DPYD: variants seen among roughly 807,000 people sequenced by gnomAD.
DPYD encodes dihydropyrimidine dehydrogenase [NADP(+)].
DPYD carries 109 observed loss-of-function variants against 116.2 expected under a neutral mutation model. The ratio of observed to expected loss-of-function variants is 0.94; its 90% CI spans 0.80 to 1.10. The LOEUF is 1.10. DPYD is among the 50% of genes least tolerant of loss of function. DPYD has a pLI of 0.00. For missense variants in DPYD, 1,302 were observed against 1,254.5 expected, an observed-to-expected ratio of 1.04 and a Z score of -0.57; for synonymous variants, 440 against 432.0, an observed-to-expected ratio of 1.02 and a Z score of -0.23.
At chr1:97,604,553 A>T (rs551279683) in intron 8 of DPYD, among the ~76,000 whole-genome samples, 1 of 151,124 alleles carries the variant, frequency 6.6e-6, no homozygotes, top group African/African-American at 2.5e-5. Context: ...CTGTAATTTC[A>T]TAAGTTTTCC....
At chr1:97,322,048 C>T (rs1316294978) in intron 16 of DPYD, among the ~76,000 whole-genome samples, 1 of 95,188 alleles carries the variant, frequency 1.1e-5, no homozygotes, top group Non-Finnish European at 2.1e-5. Flanking sequence ...ATCACATGGA[C>T]ACAGGAAGGG....
chr1:97,731,432 A>G (rs987532748), intron 4 of DPYD, among the ~76,000 whole-genome samples: 1 of 152,116 alleles, frequency 6.6e-6, no homozygotes, highest in African/African-American at 2.4e-5. Context: ...ACTAAACTCA[A>G]GTTTCTTTAA....
chr1:97,393,934 C>T (rs1166911125), intron 14 of DPYD, among the ~76,000 whole-genome samples: 3 of 152,120 alleles, frequency 2.0e-5, no homozygotes, highest in South Asian at 2.1e-4. Context: ...CCTATTTCTC[C>T]ATATCCTCTC....
intron 20 of DPYD, among the ~76,000 whole-genome samples, chr1:97,155,932 T>C (rs545063133): frequency 2.2e-4 from 33 of 152,174 alleles, no homozygotes; most frequent in Non-Finnish European, 2.6e-4. Flanking sequence ...TGGGGATCTT[T>C]TTAAAATGCA....
rs1454231802 is a variant in DPYD at position 97,920,934 on chromosome 1, C to T, written c.-12G>A. 2.5e-6 allele frequency: 4 copies of T among 1,582,246 alleles called. No homozygotes were observed. The highest frequency in any genetic ancestry group is 8.6e-7 in the Non-Finnish European group (1 of 1,164,582). The stretch of plus-strand genomic sequence containing the variant: ...AGCACAGGGGCCATGGCAGTGCCTA[C>T]AGTCTCGAGTCTGCCAGTGACAAAC... On this transcript the variant is annotated 5_prime_UTR_variant, in exon 1 of 23. Coordinates refer to ENST00000370192, the MANE Select transcript of DPYD (RefSeq NM_000110.4).
intron 1 of DPYD, among the ~76,000 whole-genome samples, chr1:97,897,530 T>TCCA (rs1673143071): frequency 6.6e-6 from 1 of 151,918 alleles, no homozygotes; most frequent in African/African-American, 2.4e-5. Flanking sequence ...TCGAAGTTGT[T>TCCA]CCACAGCTCA....
intron 13 of DPYD, among the ~76,000 whole-genome samples, chr1:97,511,021 G>T (rs188408179): frequency 1.4e-3 from 208 of 152,014 alleles, no homozygotes; most frequent in African/African-American, 4.8e-3. Context: ...AGACACATTA[G>T]TGGAACATCT....
chr1:97,566,206 T>G (rs1211775901), intron 11 of DPYD, among the ~76,000 whole-genome samples: 1 of 152,170 alleles, frequency 6.6e-6, no homozygotes, highest in Non-Finnish European at 1.5e-5. Context: ...TTATTGTAAT[T>G]CTGAGCCTCC....
At chr1:97,420,293 C>T (rs1002649212) in intron 14 of DPYD, among the ~76,000 whole-genome samples, 2 of 152,062 alleles carry the variant, frequency 1.3e-5, no homozygotes, top group African/African-American at 2.4e-5. Context: ...CGAAGGGAGG[C>T]GAGTGGATCT....
At chr1:97,905,401 T>TCAAGGGCTC (rs1553258126) in intron 1 of DPYD, among the ~76,000 whole-genome samples, 1 of 152,018 alleles carries the variant, frequency 6.6e-6, no homozygotes, top group African/African-American at 2.4e-5. Flanking sequence ...TGTCCTTCAG[T>TCAAGGGCTC]CAAGGGCTCC....
intron 5 of DPYD, among the ~76,000 whole-genome samples, chr1:97,712,808 C>T (rs947599281): frequency 3.7e-4 from 56 of 152,180 alleles, no homozygotes; most frequent in African/African-American, 1.3e-3. Flanking sequence ...TGCTGTACAG[C>T]TTTCTCTACT....
intron 13 of DPYD, among the ~76,000 whole-genome samples, chr1:97,464,777 G>T (rs558510056): frequency 6.6e-6 from 1 of 152,160 alleles, no homozygotes; most frequent in African/African-American, 2.4e-5. Flanking sequence ...CTGCAGGGAC[G>T]GGACCCTCAT....
At chr1:97,479,333 T>C (rs1189110052) in intron 13 of DPYD, among the ~76,000 whole-genome samples, 1 of 152,164 alleles carries the variant, frequency 6.6e-6, no homozygotes, top group African/African-American at 2.4e-5. Context: ...CACTGTTGTA[T>C]TATTAATTGG....
intron 2 of DPYD, among the ~76,000 whole-genome samples, chr1:97,866,690 A>G (rs920974010): frequency 1.1e-4 from 16 of 151,996 alleles, no homozygotes; most frequent in African/African-American, 3.9e-4. Flanking sequence ...GGAGTAATAA[A>G]TAAAATGTGG....
intron 8 of DPYD, among the ~76,000 whole-genome samples, chr1:97,668,954 C>T (rs1571159960): frequency 6.6e-6 from 1 of 152,192 alleles, no homozygotes; most frequent in South Asian, 2.1e-4. Flanking sequence ...TTAATATAAT[C>T]TTTGACTGAT....
chr1:97,239,658 C>T (rs992487131), intron 18 of DPYD, among the ~76,000 whole-genome samples: 5 of 151,990 alleles, frequency 3.3e-5, no homozygotes, highest in Non-Finnish European at 5.9e-5. Flanking sequence ...TTTATAAATA[C>T]TATTAATATG....
chr1:97,460,499 C>G (rs886430366), intron 13 of DPYD, among the ~76,000 whole-genome samples: 1 of 152,096 alleles, frequency 6.6e-6, no homozygotes, highest in African/African-American at 2.4e-5. Flanking sequence ...CTCAAAAAAA[C>G]GACACCCTGA....
chr1:97,404,351 A>T (rs1673530617), intron 14 of DPYD, among the ~76,000 whole-genome samples: 1 of 151,816 alleles, frequency 6.6e-6, no homozygotes, highest in Non-Finnish European at 1.5e-5. Context: ...CTGATTTTCT[A>T]CCTGCTGGAT....
chr1:97,297,939 A>C (rs1316252182), intron 18 of DPYD, among the ~76,000 whole-genome samples: 1 of 152,122 alleles, frequency 6.6e-6, no homozygotes, highest in Admixed American at 6.6e-5. Context: ...TTGCATAAAC[A>C]ATGGTTTCCA....
Sources: allele counts gnomAD v4.1 joint callset (sites outside exome capture counted in the v4.1 genomes callset), GRCh38; gene constraint gnomAD v4.1.1; transcripts MANE v1.5; gene names NCBI Gene and HGNC (gene_info 2026-07-23, HGNC 2026-07-21).